The following TMEM250 variants were observed in gnomAD, a reference collection of about 807,000 sequenced individuals.
TMEM250 encodes the protein transmembrane protein 250.
Under a neutral mutation model 7.0 loss-of-function variants are expected in TMEM250, and 7 were observed. The observed-to-expected ratio is 1.00, with a 90% CI of 0.57 to 1.87. The LOEUF is 1.87. TMEM250 is among the 40% of genes most tolerant of loss of function. The probability of loss-of-function intolerance (pLI) is 0.00; values close to 1 mark genes in which losing one functional copy is unlikely to be tolerated. For missense variants in TMEM250, 196 were observed against 202.5 expected (o/e 0.97, Z 0.19); for synonymous variants, 135 against 96.7 (o/e 1.40, Z -2.32).
At position 136,117,015 on chromosome 9, in the gene TMEM250, A is replaced by C; in HGVS notation, c.-115T>G. 1 of 1,347,722 alleles carries C rather than the reference A, an allele frequency of 7.4e-7. No homozygotes were observed. Among genetic ancestry groups the C allele is most frequent in the Non-Finnish European group, 9.5e-7 (1 of 1,053,366 alleles). The allele number at this position is 1,347,722 out of a possible 1,614,324, so 83.5% of individuals were successfully genotyped here. The stretch of plus-strand genomic sequence containing the variant: ...GGAGCCCGCAGCTGACCCTGGGGGG[A>C]GGCGTCGGCCTGCGGGGAGAGCCGC... On this transcript the variant is annotated 5_prime_UTR_variant, in exon 2 of 2. Coordinates refer to ENST00000418388, the MANE Select transcript of TMEM250 (RefSeq NM_152833.3).
chr9:136,116,953 C>T lies in TMEM250; in HGVS notation c.-53G>A, dbSNP rs1030660324. 3.9e-5 allele frequency: 55 copies of T among 1,407,496 alleles called. No homozygotes were observed. Among genetic ancestry groups the T allele is most frequent in the Non-Finnish European group, 5.0e-5 (54 of 1,089,330 alleles). 87.2% of individuals were successfully genotyped at this position (1,407,496 alleles called of 1,614,324 possible). A position where few individuals can be genotyped will look rare whatever the true frequency, so the allele number is the denominator to read the frequency against. ...CGCAGTGGCGGCGGCGGTGTCCAGG[C>T]GGCTGTTGGCGTAGGGGTCATGGGC... On this transcript the variant is annotated 5_prime_UTR_variant, in exon 2 of 2. Coordinates refer to ENST00000418388, the MANE Select transcript of TMEM250 (RefSeq NM_152833.3).
chr9:136,116,367 CGG>C lies in TMEM250; in HGVS notation c.*112_*113del. On this transcript the variant is annotated 3_prime_UTR_variant, in exon 2 of 2. Coordinates refer to ENST00000418388, the MANE Select transcript of TMEM250 (RefSeq NM_152833.3). ...CCCTTTCTTTTCTCTCCGTGGGCGCCGGGCAGCAGCGACTGCCTGGGGGATGG... is the reference window on the plus strand; with the variant it reads ...CCCTTTCTTTTCTCTCCGTGGGCGCCGCAGCAGCGACTGCCTGGGGGATGG... 1.7e-5 allele frequency: 24 copies of C among 1,432,994 alleles called. No homozygotes were observed. Among genetic ancestry groups the C allele is most frequent in the Admixed American group, 5.7e-5 (2 of 35,082 alleles). 88.8% of individuals were successfully genotyped at this position (1,432,994 alleles called of 1,614,324 possible). A position where few individuals can be genotyped will look rare whatever the true frequency, so the allele number is the denominator to read the frequency against.
At position 136,115,511 on chromosome 9, in the gene TMEM250, A is replaced by G. The variant is rs1476634261; in HGVS notation, c.*970T>C. On this transcript the variant is annotated 3_prime_UTR_variant, in exon 2 of 2. Coordinates refer to ENST00000418388, the MANE Select transcript of TMEM250 (RefSeq NM_152833.3). ...CAGGCTCTGGGGCTGTGTTTGCCGC[A>G]CTGAGGCCTCTGCCGCCTGCTCCGG... 1 of 152,308 alleles carries G rather than the reference A, an allele frequency of 6.6e-6. No homozygotes were observed. Among genetic ancestry groups the G allele is most frequent in the South Asian group, 2.1e-4 (1 of 4,832 alleles). The allele number at this position is 152,308 out of a possible 1,614,324, so 9.4% of individuals were successfully genotyped here. A position where few individuals can be genotyped will look rare whatever the true frequency, so the allele number is the denominator to read the frequency against.
At chr9:136,117,664 C>G (rs1482718484) in intron 1 of TMEM250, among the ~76,000 whole-genome samples, 1 of 152,234 alleles carries the variant, frequency 6.6e-6, no homozygotes, top group Non-Finnish European at 1.5e-5. Context: ...GGCAGGTCAC[C>G]TGACCCCAAG....
Position 136,116,293 on chromosome 9 carries a change from G to A in TMEM250, c.*188C>T, listed in dbSNP as rs1414730740. The A allele has an allele frequency of 1.6e-6, 2 of 1,283,398 alleles. No individual in the cohort carries two copies. The highest frequency in any genetic ancestry group is 2.1e-6 in the Non-Finnish European group (2 of 965,392). 79.5% of individuals were successfully genotyped at this position (1,283,398 alleles called of 1,614,324 possible). Reference sequence around the variant, plus strand: ...AGTGCATACGGGGAGGGTGGGTCCAGGAAGCCAGCCTAGGGGTGGTGTCCG... The same window carrying A: ...AGTGCATACGGGGAGGGTGGGTCCAAGAAGCCAGCCTAGGGGTGGTGTCCG... On this transcript the variant is annotated 3_prime_UTR_variant, in exon 2 of 2. Transcript: ENST00000418388.
Position 136,116,973 on chromosome 9 carries a change from A to C in TMEM250, c.-73T>G. On this transcript the variant is annotated 5_prime_UTR_variant, in exon 2 of 2. An upstream start codon of the reference 5' UTR is lost. Transcript: ENST00000418388. The stretch of plus-strand genomic sequence containing the variant: ...CCAGGCGGCTGTTGGCGTAGGGGTC[A>C]TGGGCGCCTAGGCCTGGGAGCCCGC... 1 of 1,380,182 alleles carries C rather than the reference A, an allele frequency of 7.2e-7. No homozygotes were observed. The highest frequency in any genetic ancestry group is 9.3e-7 in the Non-Finnish European group (1 of 1,073,548). The allele number at this position is 1,380,182 out of a possible 1,614,324, so 85.5% of individuals were successfully genotyped here.
intron 1 of TMEM250, 62 bp from the exon 2 acceptor site, chr9:136,117,086 C>A: frequency 1.9e-6 from 2 of 1,039,794 alleles, no homozygotes; most frequent in Non-Finnish European, 2.5e-6. Context: ...CCTCCCCAGG[C>A]AATCAGCTGG....
chr9:136,116,859 G>A lies in TMEM250; in HGVS notation c.42C>T (p.His14=), dbSNP rs1830715133. 1.9e-6 allele frequency: 3 copies of A among 1,583,216 alleles called. No individual in the cohort carries two copies. Among genetic ancestry groups the A allele is most frequent in the Non-Finnish European group, 8.6e-7 (1 of 1,165,602 alleles). Residue 14 remains histidine, a synonymous_variant, in exon 2 of 2, where the codon CAC becomes CAT. Coordinates refer to ENST00000418388, the MANE Select transcript of TMEM250 (RefSeq NM_152833.3). Reference sequence around the variant, plus strand: ...CATGCAGGCAGGTGGTGTGCGGGCCGTGGAAGGAGCGCACCCGCCGCGGAA... The same window carrying A: ...CATGCAGGCAGGTGGTGTGCGGGCCATGGAAGGAGCGCACCCGCCGCGGAA... ...MPIPRRVRSF[H]GPHTTCLHAA...
In TMEM250 at chr9:136,116,791, T is replaced by C. The variant is rs770678506; in HGVS notation, c.110A>G (p.Lys37Arg). The change falls in exon 2 of 2, where the codon AAG becomes AGG. Residue 37 changes from lysine (K) to arginine (R), a missense_variant. By Grantham distance (26) the Lys-to-Arg change is conservative. Transcript: ENST00000418388. ...GATGTACACGTCGAAGTTGTTGTAC[T>C]TGGTGCGGGCCAGGTGGGAGGCGCG... ...PVRASHLART[K>R]YNNFDVYIKT... 9 of 1,612,072 alleles carry C rather than the reference T, an allele frequency of 5.6e-6. No individual in the cohort carries two copies. The highest frequency in any genetic ancestry group is 6.8e-6 in the Non-Finnish European group (8 of 1,179,650).
rs1830698810 is a variant in TMEM250, at chr9:136,116,283, G to A, written c.*198C>T. On this transcript the variant is annotated 3_prime_UTR_variant, in exon 2 of 2. Transcript: ENST00000418388. ...TGCCCCTGAGAGTGCATACGGGGAG[G>A]GTGGGTCCAGGAAGCCAGCCTAGGG... 7.9e-6 allele frequency: 9 copies of A among 1,138,908 alleles called. No homozygotes were observed. The Admixed American group carries it at 1.2e-4, about 15-fold the overall frequency. The allele number at this position is 1,138,908 out of a possible 1,614,324, so 70.6% of individuals were successfully genotyped here.
In TMEM250 at chr9:136,116,631, G is replaced by C; in HGVS notation, c.270C>G (p.Phe90Leu). The C allele has an allele frequency of 6.2e-7, 1 of 1,609,826 alleles. No homozygotes were observed. The highest frequency in any genetic ancestry group is 8.5e-7 in the Non-Finnish European group (1 of 1,179,644). Reference protein sequence around the residue: ...QYLGVRVLLRFQRKLSVLLLL... With the variant: ...QYLGVRVLLRLQRKLSVLLLL... The stretch of plus-strand genomic sequence containing the variant: ...GCAGCAGCACCGACAGCTTGCGCTG[G>C]AAGCGCAGCAGGACGCGAACGCCCA... The change falls in exon 2 of 2, where the codon TTC (phenylalanine) becomes TTG (leucine). Residue 90 changes from phenylalanine to leucine, a missense_variant. By Grantham distance (22) the Phe-to-Leu change is conservative (BLOSUM62 0). Coordinates refer to ENST00000418388, the MANE Select transcript of TMEM250 (RefSeq NM_152833.3).
At chr9:136,117,981 T>A (rs1000203128) in intron 1 of TMEM250, 1 of 152,266 alleles carries the variant, frequency 6.6e-6, no homozygotes, top group Admixed American at 6.5e-5. Context: ...GCCTTCAGAT[T>A]CAGCCTGGGG....
At position 136,116,540 on chromosome 9, in the gene TMEM250, C is replaced by T. The variant is rs1297565329; in HGVS notation, c.361G>A (p.Val121Ile). Residue 121 changes from valine to isoleucine, a missense_variant, in exon 2 of 2, where the codon GTC (valine) becomes ATC (isoleucine). Transcript: ENST00000418388. ...AGGCCCCCGACCAGCAGCATGGTGA[C>T]GTGGATGCCATAGACGAGCAGCTCG... Reference protein sequence around the residue: ...VNELLVYGIHVTMLLVGGLGW... With the variant: ...VNELLVYGIHITMLLVGGLGW... The T allele has an allele frequency of 8.8e-6, 14 of 1,593,470 alleles. No individual in the cohort carries two copies. Among genetic ancestry groups the T allele is most frequent in the Non-Finnish European group, 1.1e-5 (13 of 1,177,558 alleles).
Position 136,116,156 on chromosome 9 carries a change from A to T in TMEM250, c.*325T>A. ...CAGGGTGATGTCTAAAGTCCCTGGCAGCTGTGGTCCTGGAGAGAGGCCCAC... is the reference window on the plus strand; with the variant it reads ...CAGGGTGATGTCTAAAGTCCCTGGCTGCTGTGGTCCTGGAGAGAGGCCCAC... On this transcript the variant is annotated 3_prime_UTR_variant, in exon 2 of 2. Transcript: ENST00000418388. The T allele has an allele frequency of 2.1e-6, 1 of 472,038 alleles. No homozygotes were observed. The highest frequency in any genetic ancestry group is 4.8e-5 in the South Asian group (1 of 20,996). The allele number at this position is 472,038 out of a possible 1,614,324, so 29.2% of individuals were successfully genotyped here.
In TMEM250 at chr9:136,116,368, G is replaced by C; in HGVS notation, c.*113C>G. On this transcript the variant is annotated 3_prime_UTR_variant, in exon 2 of 2. Transcript: ENST00000418388. ...CCTTTCTTTTCTCTCCGTGGGCGCC[G>C]GGCAGCAGCGACTGCCTGGGGGATG... 7.0e-7 allele frequency: 1 copy of C among 1,433,194 alleles called. No homozygotes were observed. Among genetic ancestry groups the C allele is most frequent in the Non-Finnish European group, 9.1e-7 (1 of 1,097,408 alleles). The allele number at this position is 1,433,194 out of a possible 1,614,324, so 88.8% of individuals were successfully genotyped here.
rs1830676113 is a variant in TMEM250 at position 136,115,081 on chromosome 9, G to GC, written c.*1399dup. On this transcript the variant is annotated 3_prime_UTR_variant, in exon 2 of 2. Coordinates refer to ENST00000418388, the MANE Select transcript of TMEM250 (RefSeq NM_152833.3). ...CTCATGGCTCCTGGGCCACTGGTCC[G>GC]CCTGACAGGGTAGGGTCACAAGTCC... is the stretch of plus-strand genomic sequence containing the variant. 6.6e-6 allele frequency: 1 copy of GC among 152,198 alleles called. No homozygotes were observed. Among genetic ancestry groups the GC allele is most frequent in the African/African-American group, 2.4e-5 (1 of 41,440 alleles). The allele number at this position is 152,198 out of a possible 1,614,324, so 9.4% of individuals were successfully genotyped here.
rs774574805 is a variant in TMEM250, at chr9:136,116,559, C to A, written c.342G>T (p.Leu114=). 2.1e-5 allele frequency: 33 copies of A among 1,597,658 alleles called. No homozygotes were observed. Among genetic ancestry groups the A allele is most frequent in the African/African-American group, 2.7e-5 (2 of 74,904 alleles). The stretch of plus-strand genomic sequence containing the variant: ...TGGTGACGTGGATGCCATAGACGAG[C>A]AGCTCGTTCACCAGGCGGAAGTCCA... ...RRVDFRLVNE[L]LVYGIHVTML... The change falls in exon 2 of 2, where the codon CTG becomes CTT. Residue 114 remains leucine (L), a synonymous_variant. Transcript: ENST00000418388.
At position 136,115,449 on chromosome 9, in the gene TMEM250, C is replaced by CA. The variant is rs1830682160; in HGVS notation, c.*1031dup. 6.6e-6 allele frequency: 1 copy of CA among 152,302 alleles called. No homozygotes were observed. Among genetic ancestry groups the CA allele is most frequent in the Non-Finnish European group, 1.5e-5 (1 of 68,106 alleles). 9.4% of individuals were successfully genotyped at this position (152,302 alleles called of 1,614,324 possible). On this transcript the variant is annotated 3_prime_UTR_variant, in exon 2 of 2. Transcript: ENST00000418388. Reference sequence around the variant, plus strand: ...AGGACAGCGTGAGATAAGATCTCAGCATATACCTGGGGCTCTAAGATGCTG... The same window carrying CA: ...AGGACAGCGTGAGATAAGATCTCAGCAATATACCTGGGGCTCTAAGATGCTG...
chr9:136,116,663 G>GTAT lies in TMEM250; in HGVS notation c.237_238insATA (p.Leu79_Gln80insIle). On this transcript the variant is annotated inframe_insertion, in exon 2 of 2. Coordinates refer to ENST00000418388, the MANE Select transcript of TMEM250 (RefSeq NM_152833.3). ...AGCAGGACGCGAACGCCCAGGTACT[G>GTAT]TAGGCAGAAGAGGGCGGCCAGCGCA... 6.2e-7 allele frequency: 1 copy of GTAT among 1,612,006 alleles called. No homozygotes were observed. The highest frequency in any genetic ancestry group is 8.5e-7 in the Non-Finnish European group (1 of 1,179,720).
Sources: gnomAD v4.1 joint callset for allele counts (sites outside exome capture counted in the v4.1 genomes callset) on GRCh38, gnomAD v4.1.1 for gene constraint, MANE v1.5 for transcripts, NCBI Gene and HGNC (gene_info 2026-07-23, HGNC 2026-07-21) for gene names.